Variants in DACH2 observed in about 807,000 individuals in gnomAD.
DACH2 encodes the protein dachshund homolog 2.
In DACH2, 17 loss-of-function variants were observed where a neutral mutation model predicts 35.8. The ratio of observed to expected loss-of-function variants is 0.48; its 90% CI spans 0.33 to 0.71. DACH2 has a LOEUF of 0.71. Ranked by LOEUF, DACH2 falls within the 30% of genes least tolerant of loss-of-function variation. The probability of loss-of-function intolerance (pLI) is 0.02; values close to 1 mark genes in which losing one functional copy is unlikely to be tolerated. For missense variants in DACH2, 469 were observed against 472.7 expected (o/e 0.99, Z 0.07); for synonymous variants, 195 against 177.3 (o/e 1.10, Z -0.79).
intron 4 of DACH2, among the ~76,000 whole-genome samples, chrX:86,657,027 T>C (rs1340647421): frequency 9.4e-6 from 1 of 106,842 alleles, no homozygotes; most frequent in Admixed American, 1.0e-4. Flanking sequence ...CACTTATTTG[T>C]GGGAGTTAAA....
intron 6 of DACH2, among the ~76,000 whole-genome samples, chrX:86,724,933 A>G (rs2041448477): frequency 9.2e-6 from 1 of 109,084 alleles, no homozygotes; most frequent in Non-Finnish European, 1.9e-5. Context: ...TCTTCATGTT[A>G]TGAGACTTTT....
chrX:86,192,081 T>C (rs1164074419), intron 1 of DACH2, among the ~76,000 whole-genome samples: 1 of 112,198 alleles, frequency 8.9e-6, no homozygotes, highest in East Asian at 2.8e-4. Context: ...TTGGTTCATA[T>C]GCACTCTGTC....
intron 3 of DACH2, among the ~76,000 whole-genome samples, chrX:86,584,930 T>G (rs2148344065): frequency 9.0e-6 from 1 of 111,265 alleles, no homozygotes; most frequent in Non-Finnish European, 1.9e-5. Flanking sequence ...ACTGCATTAA[T>G]TCATTTAGAA....
chrX:86,702,476 TA>T (rs1188771044), intron 5 of DACH2, among the ~76,000 whole-genome samples: 1 of 110,945 alleles, frequency 9.0e-6, no homozygotes, highest in Non-Finnish European at 1.9e-5. Flanking sequence ...AAAGATCAGT[TA>T]AAGAAAAAGT....
At chrX:86,163,367 A>G (rs1238448538) in intron 1 of DACH2, among the ~76,000 whole-genome samples, 3 of 107,986 alleles carry the variant, frequency 2.8e-5, no homozygotes, top group African/African-American at 1.0e-4. Flanking sequence ...TGTTGTTGCA[A>G]ATGACTGGGT....
intron 3 of DACH2, among the ~76,000 whole-genome samples, chrX:86,548,657 T>C (rs2039007421): frequency 8.9e-6 from 1 of 112,048 alleles, no homozygotes; most frequent in Admixed American, 9.5e-5. Context: ...TTCCTTAAGT[T>C]AGAGAATACC....
intron 3 of DACH2, among the ~76,000 whole-genome samples, chrX:86,515,779 A>G (rs2038457835): frequency 8.9e-6 from 1 of 112,293 alleles, no homozygotes; most frequent in African/African-American, 3.2e-5. Flanking sequence ...CTATAGGTAA[A>G]AGGAGCCCTT....
intron 3 of DACH2, among the ~76,000 whole-genome samples, chrX:86,542,332 A>G (rs2038896447): frequency 1.8e-5 from 2 of 111,627 alleles, no homozygotes; most frequent in Admixed American, 1.9e-4. Context: ...TCTCTCAAGA[A>G]TGGATTGGTG....
chrX:86,414,120 C>A (rs957476839), intron 2 of DACH2, among the ~76,000 whole-genome samples: 2 of 111,607 alleles, frequency 1.8e-5, no homozygotes, highest in South Asian at 7.5e-4. Context: ...CCCTTTCATT[C>A]AAGGGGTTTT....
intron 9 of DACH2, 46 bp from the exon 10 acceptor site, chrX:86,814,642 C>A (rs746010207): frequency 4.3e-6 from 5 of 1,159,472 alleles, no homozygotes; most frequent in Middle Eastern, 4.8e-4. Context: ...AACTGGCATC[C>A]CTATTTCATT....
intron 2 of DACH2, among the ~76,000 whole-genome samples, chrX:86,490,356 G>C (rs1327907966): frequency 9.0e-6 from 1 of 111,438 alleles, no homozygotes; most frequent in Non-Finnish European, 1.9e-5. Flanking sequence ...GAATGTCATA[G>C]AGAAGAAAAG....
chrX:86,832,093 CTTT>C lies in DACH2; in HGVS notation c.1751-6_1751-4del. 9.1e-7 allele frequency: 1 copy of C among 1,104,298 alleles called. No homozygotes were observed. The highest frequency in any genetic ancestry group is 1.2e-6 in the Non-Finnish European group (1 of 812,470). 91.0% of individuals were successfully genotyped at this position (1,104,298 alleles called of 1,213,427 possible). The stretch of plus-strand genomic sequence containing the variant: ...CTCTTCATAAGAACTAACTTGTTTT[CTTT>C]TTTTTTAAGGAGGTAACTATTACTG... On this transcript the variant is annotated splice_polypyrimidine_tract_variant and intron_variant, in intron 11 of 11. Coordinates refer to ENST00000373125, the MANE Select transcript of DACH2 (RefSeq NM_053281.3).
At chrX:86,818,282 CA>C (rs1171186572) in intron 11 of DACH2, among the ~76,000 whole-genome samples, 3 of 110,851 alleles carry the variant, frequency 2.7e-5, no homozygotes, top group Non-Finnish European at 5.7e-5. Flanking sequence ...ACAATTTAAT[CA>C]AAAAAATTTA....
intron 3 of DACH2, among the ~76,000 whole-genome samples, chrX:86,551,003 A>G (rs1212062530): frequency 1.8e-5 from 2 of 111,930 alleles, no homozygotes; most frequent in African/African-American, 6.5e-5. Context: ...TAAATCATTT[A>G]TTGATGTTTC....
chrX:86,703,673 T>C (rs993473212), intron 5 of DACH2, among the ~76,000 whole-genome samples: 2 of 111,388 alleles, frequency 1.8e-5, no homozygotes, highest in African/African-American at 6.5e-5. Flanking sequence ...CCATTTAGGA[T>C]AGTCATAAAA....
chrX:86,479,335 T>C (rs770715183), intron 2 of DACH2, among the ~76,000 whole-genome samples: 1 of 110,881 alleles, frequency 9.0e-6, no homozygotes, highest in South Asian at 3.9e-4. Flanking sequence ...TGTCCTCACC[T>C]AGGTCTGTGG....
chrX:86,749,379 A>G (rs1452453350), intron 7 of DACH2, among the ~76,000 whole-genome samples: 1 of 111,765 alleles, frequency 8.9e-6, no homozygotes, highest in African/African-American at 3.2e-5. Context: ...ACATGTGACT[A>G]TTCCTCTTAC....
At chrX:86,469,672 G>A (rs1258450439) in intron 2 of DACH2, among the ~76,000 whole-genome samples, 1 of 110,489 alleles carries the variant, frequency 9.1e-6, no homozygotes, top group Non-Finnish European at 1.9e-5. Context: ...CAAATATAAC[G>A]CTGTTGGTAG....
chrX:86,283,871 TAC>T (rs111448832), intron 1 of DACH2, among the ~76,000 whole-genome samples: 176 of 102,078 alleles, frequency 1.7e-3, no homozygotes, highest in South Asian at 2.8e-3. Context: ...TTAAAGTATA[TAC>T]ACACACACAC....
Sources: gnomAD v4.1 joint callset for allele counts (sites outside exome capture counted in the v4.1 genomes callset) on GRCh38, gnomAD v4.1.1 for gene constraint, MANE v1.5 for transcripts, NCBI Gene and HGNC (gene_info 2026-07-23, HGNC 2026-07-21) for gene names.